Variants in UBXN8 observed in about 807,000 individuals in gnomAD.
UBXN8 encodes UBX domain protein 8.
UBXN8 carries 27 observed loss-of-function variants against 32.1 expected under a neutral mutation model. That is an observed-to-expected ratio of 0.84 (90% CI 0.62 to 1.16). UBXN8 has a LOEUF of 1.16. Among genes scored for constraint, UBXN8 ranks in the 50% most tolerant of loss-of-function variants. The pLI, the probability that UBXN8 is intolerant of heterozygous loss-of-function variation, is 0.00. For missense variants in UBXN8, 306 were observed against 311.4 expected (o/e 0.98, Z 0.13); for synonymous variants, 109 against 111.8 (o/e 0.98, Z 0.16).
intron 1 of UBXN8, among the ~76,000 whole-genome samples, chr8:30,750,644 G>A (rs1805495427): frequency 2.0e-5 from 3 of 151,904 alleles, no homozygotes; most frequent in Admixed American, 2.0e-4. Flanking sequence ...GTGGTGGCAG[G>A]CACCTGTAGT....
At chr8:30,736,639 CT>C (rs754436793) in intron 1 of UBXN8, among the ~76,000 whole-genome samples, 23 of 152,104 alleles carry the variant, frequency 1.5e-4, no homozygotes, top group Non-Finnish European at 2.8e-4. Flanking sequence ...TGCCCAGATA[CT>C]TTTTGTATTT....
chr8:30,749,400 A>AAAAAAT (rs370207198), intron 1 of UBXN8, among the ~76,000 whole-genome samples: 213 of 137,416 alleles, frequency 1.6e-3, no homozygotes, highest in East Asian at 4.3e-3. Context: ...CTCAAAAAAA[A>AAAAAAT]AAAATAAAAT....
At chr8:30,742,753 A>G (rs1805239897), upstream of UBXN8, among the ~76,000 whole-genome samples, 4 of 152,284 alleles carry the variant, frequency 2.6e-5, no homozygotes, top group South Asian at 8.3e-4. Context: ...ACCTTTGAAC[A>G]CAACGTAGGC....
At chr8:30,754,553 C>T in intron 3 of UBXN8, 112 bp from the exon 4 acceptor site, 1 of 1,407,526 alleles carries the variant, frequency 7.1e-7, no homozygotes, top group Non-Finnish European at 9.5e-7. Context: ...GGCAGTGGCT[C>T]TGTTCAGCCA....
chr8:30,744,408 C>G, intron 1 of UBXN8, 131 bp downstream of exon 1: 1 of 843,096 alleles, frequency 1.2e-6, no homozygotes, highest in Non-Finnish European at 1.9e-6. Context: ...TGCATCGCCC[C>G]TGCCCCCCCA....
In UBXN8 at chr8:30,753,957, T is replaced by C. The variant is rs546370488; in HGVS notation, c.283-708T>C. Among the ~76,000 whole-genome samples the C allele has an allele frequency of 3.9e-5, 6 of 151,932 alleles. No homozygotes were observed. The East Asian group carries it at 1.2e-3, about 30-fold the overall frequency. On this transcript the variant is annotated intron_variant, in intron 3 of 7. Transcript: ENST00000265616. The stretch of plus-strand genomic sequence containing the variant: ...ATGCTCAGCTAATTTTTAAAAAATT[T>C]TGGGCCAGGCGTGGTGGTGCACGCC...
chr8:30,740,105 C>T (rs1472091528), upstream of UBXN8, among the ~76,000 whole-genome samples: 3 of 151,848 alleles, frequency 2.0e-5, no homozygotes, highest in African/African-American at 7.3e-5. Flanking sequence ...TGGGGTCTCA[C>T]CATGTTGTCC....
chr8:30,731,190 A>T (rs574438886), upstream of UBXN8, among the ~76,000 whole-genome samples: 1 of 152,352 alleles, frequency 6.6e-6, no homozygotes, highest in East Asian at 1.9e-4. Context: ...GCCCTGCTCA[A>T]CCTGGCAGAA....
chr8:30,758,900 T>TTTTTTTTG lies in UBXN8; in HGVS notation c.529-1981_529-1980insGTTTTTTT, dbSNP rs1805746644. 5.7e-5 allele frequency among the ~76,000 whole-genome samples: 7 copies of TTTTTTTTG among 122,030 alleles called. 1 individual carries two copies. The highest frequency in any genetic ancestry group is 1.2e-4 in the Non-Finnish European group (7 of 60,718). The allele number at this position is 122,030 out of a possible 152,430, so 80.1% of individuals were successfully genotyped here. The stretch of plus-strand genomic sequence containing the variant: ...TTTTTTGTTTGTTTTTTTTGTTTTT[T>TTTTTTTTG]TTTTTTTTTTTGAGACGGAGTCTCG... On this transcript the variant is annotated intron_variant, in intron 5 of 7. Transcript: ENST00000265616.
chr8:30,740,006 A>T, upstream of UBXN8, among the ~76,000 whole-genome samples: 1 of 152,120 alleles, frequency 6.6e-6, no homozygotes, highest in South Asian at 2.1e-4. Flanking sequence ...GGCTCAAGTG[A>T]TCCTTCTGCC....
At chr8:30,745,068 A>T (rs755349930) in intron 1 of UBXN8, among the ~76,000 whole-genome samples, 33 of 152,194 alleles carry the variant, frequency 2.2e-4, no homozygotes, top group Non-Finnish European at 4.1e-4. Flanking sequence ...GACTTCCCTA[A>T]GTTTTAAAAA....
intron 4 of UBXN8, chr8:30,756,430 C>G (rs1805662468): frequency 4.2e-6 from 1 of 237,138 alleles, no homozygotes; most frequent in Non-Finnish European, 8.5e-6. Flanking sequence ...CAAGCGTGAG[C>G]CACCATACCC....
chr8:30,748,782 C>G (rs982103850), intron 1 of UBXN8, among the ~76,000 whole-genome samples: 2 of 152,118 alleles, frequency 1.3e-5, no homozygotes, highest in African/African-American at 4.8e-5. Flanking sequence ...CTCAGGTGAT[C>G]CACCCGCCTT....
At chr8:30,754,022 A>G (rs542533475) in intron 3 of UBXN8, among the ~76,000 whole-genome samples, 1 of 152,282 alleles carries the variant, frequency 6.6e-6, no homozygotes, top group South Asian at 2.1e-4. Flanking sequence ...CGGGTGGATC[A>G]CGAGGTCAAG....
chr8:30,754,844 T>G, intron 4 of UBXN8, 57 bp downstream of exon 4: 1 of 1,517,084 alleles, frequency 6.6e-7, no homozygotes, highest in South Asian at 1.4e-5. Context: ...TCCTATTACA[T>G]GATTGATTTT....
chr8:30,732,386 T>C (rs1586082381), upstream of UBXN8: 3 of 387,260 alleles, frequency 7.7e-6, no homozygotes, highest in East Asian at 7.2e-5. Flanking sequence ...TTACTTGGGA[T>C]TTACTATCCG....
chr8:30,757,559 A>T (rs9773876), intron 5 of UBXN8, among the ~76,000 whole-genome samples: 3,856 of 151,048 alleles, frequency 0.026, 164 homozygotes, highest in African/African-American at 0.089. Flanking sequence ...TCTCAAAAAC[A>T]AAAAACAAAA....
In UBXN8 at chr8:30,761,396, C is replaced by T. The variant is rs972443457; in HGVS notation, c.570+467C>T. On this transcript the variant is annotated intron_variant, in intron 6 of 7. Coordinates refer to ENST00000265616, the MANE Select transcript of UBXN8 (RefSeq NM_005671.4). Reference sequence around the variant, plus strand: ...AGTAGCTGGGATTACAGGCATCTGCCACCACATCGGGCTAGTTTTTGTATT... The same window carrying T: ...AGTAGCTGGGATTACAGGCATCTGCTACCACATCGGGCTAGTTTTTGTATT... Among the ~76,000 whole-genome samples, 4 of 152,210 alleles carry T rather than the reference C, an allele frequency of 2.6e-5. No homozygotes were observed. In the East Asian group the frequency reaches 7.7e-4, roughly 29 times the overall value.
chr8:30,730,624 TAGA>T (rs1408543156), upstream of UBXN8, among the ~76,000 whole-genome samples: 1 of 152,052 alleles, frequency 6.6e-6, no homozygotes, highest in Non-Finnish European at 1.5e-5. Context: ...GAAGCTCTCT[TAGA>T]AGGATTAGAG....
Sources: allele counts gnomAD v4.1 joint callset (sites outside exome capture counted in the v4.1 genomes callset), GRCh38; gene constraint gnomAD v4.1.1; transcripts MANE v1.5; gene names NCBI Gene and HGNC (gene_info 2026-07-23, HGNC 2026-07-21).